Variants in PTK6 observed in about 807,000 individuals in gnomAD.
The protein encoded by PTK6 is protein tyrosine kinase 6, also known as protein-tyrosine kinase 6.
In PTK6, 47 loss-of-function variants were observed where a neutral mutation model predicts 47.5. That is an observed-to-expected ratio of 0.99 (90% CI 0.78 to 1.26). The LOEUF (loss-of-function observed/expected upper bound fraction) is 1.26. PTK6 is among the 50% of genes most tolerant of loss of function. The pLI is 0.00. For missense variants in PTK6, 618 were observed against 625.3 expected (o/e 0.99, Z 0.12); for synonymous variants, 287 against 276.5 (o/e 1.04, Z -0.38).
Position 63,533,560 on chromosome 20 carries a change from T to A in PTK6, c.661A>T (p.Ile221Phe). The change falls in exon 4 of 8, where the codon ATT becomes TTT. Residue 221 changes from isoleucine (I) to phenylalanine (F), a missense_variant. Physicochemically the swap from Ile to Phe is conservative, Grantham distance 21. Transcript: ENST00000542869. This position sits in a 1 kb window ranked among gnomAD's most constrained non-coding sequence, Gnocchi z 4.0. ...KDRVQVAIKV[I>F]SRDNLLHQQM... Reference sequence around the variant, plus strand: ...ATCGGGGCCCACTCACCTCGAGAAATCACCTTAATGGCCACCTGGACCCGG... The same window carrying A: ...ATCGGGGCCCACTCACCTCGAGAAAACACCTTAATGGCCACCTGGACCCGG... The A allele has an allele frequency of 6.2e-7, 1 of 1,608,878 alleles. No homozygotes were observed. Among genetic ancestry groups the A allele is most frequent in the Non-Finnish European group, 8.5e-7 (1 of 1,176,994 alleles).
Position 63,533,492 on chromosome 20 carries a change from G to C in PTK6, c.670+59C>G. On this transcript the variant is annotated intron_variant, in intron 4 of 7. Coordinates refer to ENST00000542869, the MANE Select transcript of PTK6 (RefSeq NM_005975.4). This position sits in a 1 kb window ranked among gnomAD's most constrained non-coding sequence, Gnocchi z 4.0. The stretch of plus-strand genomic sequence containing the variant: ...GGCCAGAGGTCCCTGTTGGCGGGGT[G>C]GGAGGGTGGCCCAGGGCAGGCACGG... 1 of 1,509,760 alleles carries C rather than the reference G, an allele frequency of 6.6e-7. No individual in the cohort carries two copies. The highest frequency in any genetic ancestry group is 8.9e-7 in the Non-Finnish European group (1 of 1,124,648). The allele number at this position is 1,509,760 out of a possible 1,614,324, so 93.5% of individuals were successfully genotyped here.
rs774650560 is a variant in PTK6, at chr20:63,530,773, C to G, written c.987G>C (p.Gly329=). ...TGATAAGCCTGGCTAACCCGAAGTC[C>G]CCAACTTTGCAGAGGGTGTTTTCCC... ...LVGENTLCKV[G]DFGLARLIKE... The change falls in exon 6 of 8, where the codon GGG becomes GGC. Residue 329 remains glycine (G), a synonymous_variant. Coordinates refer to ENST00000542869, the MANE Select transcript of PTK6 (RefSeq NM_005975.4). The surrounding 1 kb of genome is among the most constrained non-coding windows in gnomAD (Gnocchi z 4.1). 2 of 1,614,012 alleles carry G rather than the reference C, an allele frequency of 1.2e-6. No individual in the cohort carries two copies. The highest frequency in any genetic ancestry group is 1.7e-6 in the Non-Finnish European group (2 of 1,179,946).
In PTK6 at chr20:63,528,080, T is replaced by C. The variant is rs1193443692; in HGVS notation, c.*1456A>G. The C allele has an allele frequency of 2.6e-5, 4 of 152,276 alleles. No individual in the cohort carries two copies. Among genetic ancestry groups the C allele is most frequent in the Non-Finnish European group, 5.9e-5 (4 of 68,050 alleles). 9.4% of individuals were successfully genotyped at this position (152,276 alleles called of 1,614,324 possible). A position where few individuals can be genotyped will look rare whatever the true frequency, so the allele number is the denominator to read the frequency against. On this transcript the variant is annotated 3_prime_UTR_variant, in exon 8 of 8. Transcript: ENST00000542869. ...GTTATTTCTGTGGCATGCAGCATTT[T>C]AATGTAATAACCAAAATTATGACTG...
intron 1 of PTK6, among the ~76,000 whole-genome samples, chr20:63,536,004 C>CAA (rs1391069107): frequency 1.8e-4 from 1 of 5,450 alleles, no homozygotes; most frequent in African/African-American, 8.4e-4. Context: ...CCGCCCCCTC[C>CAA]TCACCTGGCC....
chr20:63,532,500 CAAG>C lies in PTK6; in HGVS notation c.832+23_832+25del, dbSNP rs767155958. 925 of 1,586,458 alleles carry C rather than the reference CAAG, an allele frequency of 5.8e-4. 2 individuals are homozygous for C. The African/African-American group carries it at 0.011, about 20-fold the overall frequency. ...CCTCACGTGCCCCCGCTGCCTCCAG[CAAG>C]AGCCCCGGCCCATGCCACTCACCGC... is the stretch of plus-strand genomic sequence containing the variant. On this transcript the variant is annotated intron_variant, in intron 5 of 7. Coordinates refer to ENST00000542869, the MANE Select transcript of PTK6 (RefSeq NM_005975.4).
chr20:63,535,413 C>T (rs1003002281), intron 1 of PTK6, among the ~76,000 whole-genome samples: 1 of 120,848 alleles, frequency 8.3e-6, no homozygotes, highest in African/African-American at 7.8e-5. Context: ...CGCTCACACA[C>T]ACACAGTCAC....
At position 63,533,642 on chromosome 20, in the gene PTK6, G is replaced by A; in HGVS notation, c.579C>T (p.Leu193=). The A allele has an allele frequency of 6.2e-7, 1 of 1,613,942 alleles. No homozygotes were observed. Among genetic ancestry groups the A allele is most frequent in the Non-Finnish European group, 8.5e-7 (1 of 1,179,990 alleles). Residue 193 remains leucine, a synonymous_variant, in exon 4 of 8, where the codon CTC becomes CTT. Transcript: ENST00000542869. This position sits in a 1 kb window ranked among gnomAD's most constrained non-coding sequence, Gnocchi z 4.0. ...DWERPREEFT[L]CRKLGSGYFG... is the part of the protein sequence containing the mutation. ...AGTAGCCGGACCCCAGCTTCCTGCA[G>A]AGCGTGAACTCCTCCCTCGGCCTCT...
chr20:63,531,345 C>T (rs1460487059), intron 5 of PTK6, among the ~76,000 whole-genome samples: 16 of 145,136 alleles, frequency 1.1e-4, no homozygotes, highest in Non-Finnish European at 1.8e-4. Context: ...GGCGTGAACC[C>T]GGGAGGCGGA....
chr20:63,530,068 G>A lies in PTK6; in HGVS notation c.1168+10C>T, dbSNP rs94991. On this transcript the variant is annotated intron_variant, in intron 7 of 7. Coordinates refer to ENST00000542869, the MANE Select transcript of PTK6 (RefSeq NM_005975.4). The surrounding 1 kb of genome is among the most constrained non-coding windows in gnomAD (Gnocchi z 4.1). ...CTCTCATGCCCAGTCAGGGACAGTG[G>A]GGACAGTACCTGGGTAGGGCACCTG... The A allele has an allele frequency of 0.063, 101,074 of 1,612,890 alleles. 19,226 individuals carry two copies. In the African/African-American group the frequency reaches 0.69, roughly 11 times the overall value.
At chr20:63,532,095 G>A (rs9679892) in intron 5 of PTK6, among the ~76,000 whole-genome samples, 19,721 of 152,100 alleles carry the variant, frequency 0.13, 4,070 homozygotes, top group African/African-American at 0.44. Context: ...GGAACTTAGA[G>A]AGGATGAAGT....
chr20:63,530,029 C>A lies in PTK6; in HGVS notation c.1168+49G>T. On this transcript the variant is annotated intron_variant, in intron 7 of 7. Coordinates refer to ENST00000542869, the MANE Select transcript of PTK6 (RefSeq NM_005975.4). The surrounding 1 kb of genome is among the most constrained non-coding windows in gnomAD (Gnocchi z 4.1). Reference sequence around the variant, plus strand: ...AGCGTCCCTGCCGGCTACCCAGGACCTCCCCCACTCTGCCTCTCATGCCCA... The same window carrying A: ...AGCGTCCCTGCCGGCTACCCAGGACATCCCCCACTCTGCCTCTCATGCCCA... 1 of 1,603,276 alleles carries A rather than the reference C, an allele frequency of 6.2e-7. No homozygotes were observed. Among genetic ancestry groups the A allele is most frequent in the Non-Finnish European group, 8.5e-7 (1 of 1,173,248 alleles).
chr20:63,533,838 C>T lies in PTK6; in HGVS notation c.517-134G>A. ...GCCTGGGTTGGGGGTTTCTGAGTGT[C>T]TGACACAAGGGTGGACTCTCCTGGG... is the stretch of plus-strand genomic sequence containing the variant. On this transcript the variant is annotated intron_variant, in intron 3 of 7. Coordinates refer to ENST00000542869, the MANE Select transcript of PTK6 (RefSeq NM_005975.4). This position sits in a 1 kb window ranked among gnomAD's most constrained non-coding sequence, Gnocchi z 4.0. 7.7e-7 allele frequency: 1 copy of T among 1,295,538 alleles called. No individual in the cohort carries two copies. Among genetic ancestry groups the T allele is most frequent in the Non-Finnish European group, 1.0e-6 (1 of 961,436 alleles). 80.3% of individuals were successfully genotyped at this position (1,295,538 alleles called of 1,614,324 possible).
At position 63,533,781 on chromosome 20, in the gene PTK6, T is replaced by C; in HGVS notation, c.517-77A>G. On this transcript the variant is annotated intron_variant, in intron 3 of 7. Coordinates refer to ENST00000542869, the MANE Select transcript of PTK6 (RefSeq NM_005975.4). The surrounding 1 kb of genome is among the most constrained non-coding windows in gnomAD (Gnocchi z 4.0). ...CAGTCTGAAGCCAGCACAGGGAGCCTGGATTTAGCCTCAGATTTAGGGCCA... is the reference window on the plus strand; with the variant it reads ...CAGTCTGAAGCCAGCACAGGGAGCCCGGATTTAGCCTCAGATTTAGGGCCA... The C allele has an allele frequency of 6.5e-7, 1 of 1,526,824 alleles. No individual in the cohort carries two copies. Among genetic ancestry groups the C allele is most frequent in the Non-Finnish European group, 8.8e-7 (1 of 1,137,474 alleles). 94.6% of individuals were successfully genotyped at this position (1,526,824 alleles called of 1,614,324 possible).
Position 63,534,227 on chromosome 20 carries a change from G to A in PTK6, c.441C>T (p.Ser147=). Residue 147 remains serine, a synonymous_variant, in exon 3 of 8, where the codon AGC becomes AGT. Transcript: ENST00000542869. The stretch of plus-strand genomic sequence containing the variant: ...TGTGGTAGTTCACAAGCTCGGGCAG[G>A]CTGAGGAAGGACACCGCCTCGTTCA... ...LHLNEAVSFL[S]LPELVNYHRA... The A allele has an allele frequency of 6.2e-7, 1 of 1,601,666 alleles. No individual in the cohort carries two copies.
At chr20:63,531,765 CAGG>C (rs2082623494) in intron 5 of PTK6, among the ~76,000 whole-genome samples, 1 of 152,220 alleles carries the variant, frequency 6.6e-6, no homozygotes, top group Non-Finnish European at 1.5e-5. Context: ...GGAACTCGAA[CAGG>C]AGAATGGCTG....
In PTK6 at chr20:63,528,897, G is replaced by C. The variant is rs2082596145; in HGVS notation, c.*639C>G. On this transcript the variant is annotated 3_prime_UTR_variant, in exon 8 of 8. Transcript: ENST00000542869. Reference sequence around the variant, plus strand: ...CCTTGTCAGCGCAGGAGTGAGGGGCGCTTTCCAGCACTGACCCAGCGACAA... The same window carrying C: ...CCTTGTCAGCGCAGGAGTGAGGGGCCCTTTCCAGCACTGACCCAGCGACAA... The C allele has an allele frequency of 6.6e-6, 1 of 152,150 alleles. No homozygotes were observed. Among genetic ancestry groups the C allele is most frequent in the Admixed American group, 6.5e-5 (1 of 15,268 alleles). 9.4% of individuals were successfully genotyped at this position (152,150 alleles called of 1,614,324 possible).
Position 63,530,906 on chromosome 20 carries a change from G to A in PTK6, c.854C>T (p.Pro285Leu). Residue 285 changes from proline to leucine, a missense_variant, in exon 6 of 8, where the codon CCC becomes CTC. Coordinates refer to ENST00000542869, the MANE Select transcript of PTK6 (RefSeq NM_005975.4). The surrounding 1 kb of genome is among the most constrained non-coding windows in gnomAD (Gnocchi z 4.1). ...LLRDSDEKVL[P>L]VSELLDIAWQ... ...GGCGATGTCCAGCAGCTCCGAAACG[G>A]GCAGGACTTTCTCATCAGAGTCTGC... is the stretch of plus-strand genomic sequence containing the variant. 1 of 1,612,060 alleles carries A rather than the reference G, an allele frequency of 6.2e-7. No homozygotes were observed. The highest frequency in any genetic ancestry group is 1.1e-5 in the South Asian group (1 of 90,890).
Position 63,532,805 on chromosome 20 carries a change from A to G in PTK6, c.671-118T>C, listed in dbSNP as rs940223855. ...CACACCCAGCAGCTGTGCAGGACAC[A>G]CAGACCTCCTGCCCCCGACAGGGCA... On this transcript the variant is annotated intron_variant, in intron 4 of 7. Coordinates refer to ENST00000542869, the MANE Select transcript of PTK6 (RefSeq NM_005975.4). 21 of 1,322,408 alleles carry G rather than the reference A, an allele frequency of 1.6e-5. No individual in the cohort carries two copies. In the East Asian group the frequency reaches 5.3e-4, roughly 33 times the overall value. 81.9% of individuals were successfully genotyped at this position (1,322,408 alleles called of 1,614,324 possible).
In PTK6 at chr20:63,529,900, A is replaced by T; in HGVS notation, c.1169-177T>A. ...ACCTCCCTCTGGACAGGGCTCCAAC[A>T]GGCAGCTCCAGGCACCAGCCTGGGT... On this transcript the variant is annotated intron_variant, in intron 7 of 7. Coordinates refer to ENST00000542869, the MANE Select transcript of PTK6 (RefSeq NM_005975.4). This position sits in a 1 kb window ranked among gnomAD's most constrained non-coding sequence, Gnocchi z 5.6. The T allele has an allele frequency of 9.5e-7, 1 of 1,051,858 alleles. No homozygotes were observed. Among genetic ancestry groups the T allele is most frequent in the South Asian group, 1.6e-5 (1 of 60,964 alleles). 65.2% of individuals were successfully genotyped at this position (1,051,858 alleles called of 1,614,324 possible). A position where few individuals can be genotyped will look rare whatever the true frequency, so the allele number is the denominator to read the frequency against.
Sources: gnomAD v4.1 joint callset for allele counts (sites outside exome capture counted in the v4.1 genomes callset) on GRCh38, gnomAD v4.1.1 for gene constraint, Gnocchi (gnomAD v3.1) non-coding constraint, MANE v1.5 for transcripts, NCBI Gene and HGNC (gene_info 2026-07-23, HGNC 2026-07-21) for gene names.